Variants in STON2 observed in about 807,000 individuals in gnomAD.
The protein encoded by STON2 is stonin 2.
A neutral mutation model predicts 65.7 loss-of-function variants in STON2; 29 were observed. The observed-to-expected ratio is 0.44, with a 90% CI of 0.33 to 0.60. The LOEUF is 0.60. STON2 is among the 20% of genes least tolerant of loss of function. The probability of loss-of-function intolerance (pLI) is 0.03; values close to 1 mark genes in which losing one functional copy is unlikely to be tolerated. For missense variants in STON2, 1,054 were observed against 1,118.1 expected (o/e 0.94, Z 0.82); for synonymous variants, 404 against 414.2 (o/e 0.98, Z 0.30).
chr14:81,293,909 G>C (rs970283231), intron 5 of STON2, among the ~76,000 whole-genome samples: 8 of 152,164 alleles, frequency 5.3e-5, no homozygotes, highest in African/African-American at 1.9e-4. Flanking sequence ...CAAATGGTGG[G>C]TTTTTTTCTT....
In STON2 at chr14:81,324,551, A is replaced by C. The variant is rs1031462640; in HGVS notation, c.572-364T>G. 4.6e-5 allele frequency among the ~76,000 whole-genome samples: 7 copies of C among 152,208 alleles called. 1 individual carries two copies. The highest frequency in any genetic ancestry group is 1.7e-4 in the African/African-American group (7 of 41,460). Reference sequence around the variant, plus strand: ...GCATAGGAAATGAGAGTGAAGGGTTACTCTGGGGCAGGGGTCTGGAAGAGC... The same window carrying C: ...GCATAGGAAATGAGAGTGAAGGGTTCCTCTGGGGCAGGGGTCTGGAAGAGC... On this transcript the variant is annotated intron_variant, in intron 4 of 7. Transcript: ENST00000614646.
At chr14:81,276,575 C>G (rs1277784535) in intron 6 of STON2, among the ~76,000 whole-genome samples, 1 of 152,196 alleles carries the variant, frequency 6.6e-6, no homozygotes, top group Non-Finnish European at 1.5e-5. Flanking sequence ...TCACTTCCAG[C>G]ACCACAGCTA....
chr14:81,330,197 C>G (rs1897160371), intron 4 of STON2, among the ~76,000 whole-genome samples: 1 of 152,230 alleles, frequency 6.6e-6, no homozygotes, highest in South Asian at 2.1e-4. Context: ...ATCACCCCCT[C>G]TCGGCACCGT....
chr14:81,270,143 A>G (rs1164816401), intron 7 of STON2: 1 of 697,890 alleles, frequency 1.4e-6, no homozygotes, highest in African/African-American at 1.9e-5. Context: ...GCTGGAGTAC[A>G]GTGGTGCAAT....
chr14:81,297,694 C>T (rs1466776528), intron 5 of STON2, among the ~76,000 whole-genome samples: 1 of 152,150 alleles, frequency 6.6e-6, no homozygotes, highest in Non-Finnish European at 1.5e-5. Flanking sequence ...GTTTGTTTTG[C>T]TTCGTATAGT....
chr14:81,319,088 C>G (rs192377761), intron 5 of STON2, among the ~76,000 whole-genome samples: 1 of 152,288 alleles, frequency 6.6e-6, no homozygotes, highest in Admixed American at 6.5e-5. Flanking sequence ...TAAAGCTACC[C>G]GCCTCTAGAG....
intron 5 of STON2, among the ~76,000 whole-genome samples, chr14:81,306,153 A>ATCTCTCTCTC (rs141736505): frequency 3.1e-5 from 4 of 129,954 alleles, no homozygotes; most frequent in East Asian, 2.2e-4. Flanking sequence ...ATTCTTTTAA[A>ATCTCTCTCTC]TCTCTCTCTC....
chr14:81,398,108 C>T (rs1299390667), intron 2 of STON2, among the ~76,000 whole-genome samples, 187 bp downstream of exon 2: 10 of 152,090 alleles, frequency 6.6e-5, no homozygotes, highest in Admixed American at 6.6e-4. Flanking sequence ...CCCTAAGGTT[C>T]CCAAGATGCT....
At chr14:81,365,849 C>A (rs969765348) in intron 4 of STON2, among the ~76,000 whole-genome samples, 1 of 152,184 alleles carries the variant, frequency 6.6e-6, no homozygotes, top group African/African-American at 2.4e-5. Flanking sequence ...ATTTTCTCTT[C>A]CCTGGTTGGA....
intron 7 of STON2, chr14:81,269,985 A>C: frequency 1.0e-6 from 1 of 985,386 alleles, no homozygotes; most frequent in Non-Finnish European, 1.2e-6. Context: ...CTCTAACTGA[A>C]GCATATGCTT....
chr14:81,300,937 C>T (rs1441966118), intron 5 of STON2, among the ~76,000 whole-genome samples: 1 of 152,086 alleles, frequency 6.6e-6, no homozygotes, highest in Non-Finnish European at 1.5e-5. Flanking sequence ...AAATGCCTAT[C>T]AATAGGAGAA....
intron 5 of STON2, among the ~76,000 whole-genome samples, chr14:81,322,230 C>T (rs879054781): frequency 2.6e-5 from 4 of 152,140 alleles, no homozygotes; most frequent in East Asian, 1.9e-4. Flanking sequence ...GAGAGAAGCA[C>T]GTTTGGAGTG....
Position 81,264,701 on chromosome 14 carries a change from C to CT in STON2, c.*3712dup. 1 of 985,258 alleles carries CT rather than the reference C, an allele frequency of 1.0e-6. No homozygotes were observed. Among genetic ancestry groups the CT allele is most frequent in the East Asian group, 1.1e-4 (1 of 8,804 alleles). The allele number at this position is 985,258 out of a possible 1,614,324, so 61.0% of individuals were successfully genotyped here. A position where few individuals can be genotyped will look rare whatever the true frequency, so the allele number is the denominator to read the frequency against. On this transcript the variant is annotated 3_prime_UTR_variant, in exon 8 of 8. Coordinates refer to ENST00000614646, the MANE Select transcript of STON2 (RefSeq NM_001394390.1). Reference sequence around the variant, plus strand: ...ACAATGTTCTCAAGGATTATGAACCCTGCCAATAATGCAGGAAGGCACAGT... The same window carrying CT: ...ACAATGTTCTCAAGGATTATGAACCCTTGCCAATAATGCAGGAAGGCACAGT...
chr14:81,333,149 T>G, intron 4 of STON2: 2 of 1,316,434 alleles, frequency 1.5e-6, no homozygotes, highest in Non-Finnish European at 2.2e-6. Flanking sequence ...CCAAAGCCAG[T>G]TGTCTTGCCA....
Position 81,264,162 on chromosome 14 carries a change from C to G in STON2, c.*4252G>C. ...ACCGTGACTATGGACAGCATCTATG[C>G]TACTATGCTTTGGGGCACAAAAATG... On this transcript the variant is annotated 3_prime_UTR_variant, in exon 8 of 8. Coordinates refer to ENST00000614646, the MANE Select transcript of STON2 (RefSeq NM_001394390.1). The G allele has an allele frequency of 2.0e-6, 2 of 985,396 alleles. No homozygotes were observed. The highest frequency in any genetic ancestry group is 2.4e-6 in the Non-Finnish European group (2 of 829,926). 61.0% of individuals were successfully genotyped at this position (985,396 alleles called of 1,614,324 possible). A position where few individuals can be genotyped will look rare whatever the true frequency, so the allele number is the denominator to read the frequency against.
intron 6 of STON2, among the ~76,000 whole-genome samples, chr14:81,273,599 A>T (rs1894684984): frequency 6.6e-6 from 1 of 152,054 alleles, no homozygotes; most frequent in Non-Finnish European, 1.5e-5. Context: ...CAGAGAGGGG[A>T]GCTGCCCACG....
intron 4 of STON2, among the ~76,000 whole-genome samples, chr14:81,367,129 T>G (rs1030860086): frequency 6.6e-6 from 1 of 152,030 alleles, no homozygotes; most frequent in African/African-American, 2.4e-5. Context: ...CTTTCCAATG[T>G]GTACAGATAT....
rs149189800 is a variant in STON2, at chr14:81,318,059, G to A, written c.742+5958C>T. ...TGGCTCACTGCAACCTTCACCTCCT[G>A]GGTTCAAGCGAGTCTCCTGCCTCAG... is the stretch of plus-strand genomic sequence containing the variant. On this transcript the variant is annotated intron_variant, in intron 5 of 7. Transcript: ENST00000614646. Among the ~76,000 whole-genome samples the A allele has an allele frequency of 5.0e-3, 762 of 152,196 alleles. 6 individuals carry two copies. The highest frequency in any genetic ancestry group is 0.02 in the Middle Eastern group (6 of 294).
intron 4 of STON2, among the ~76,000 whole-genome samples, chr14:81,335,914 C>T (rs115215752): frequency 0.012 from 1,887 of 151,872 alleles, 35 homozygotes; most frequent in African/African-American, 0.043. Context: ...AGAGGAGGTA[C>T]CTGAAAAGGT....
Sources: gnomAD v4.1 joint callset for allele counts (sites outside exome capture counted in the v4.1 genomes callset) on GRCh38, gnomAD v4.1.1 for gene constraint, MANE v1.5 for transcripts, NCBI Gene and HGNC (gene_info 2026-07-23, HGNC 2026-07-21) for gene names.